Variants in OR2L3 observed in about 807,000 individuals in gnomAD.
OR2L3 encodes olfactory receptor 2L3.
For synonymous variants in OR2L3, 131 were observed against 139.1 expected (o/e 0.94, Z 0.41); for missense variants, 369 against 376.6 (o/e 0.98, Z 0.17).
intron 1 of OR2L3, chr1:248,051,139 G>C (rs1261736653): frequency 1.3e-5 from 2 of 152,016 alleles, no homozygotes; most frequent in Admixed American, 1.3e-4. Flanking sequence ...CTAACACTTT[G>C]TTTTTGTTAA....
At chr1:248,058,458 G>T (rs1372512167) in intron 1 of OR2L3, among the ~76,000 whole-genome samples, 2 of 151,994 alleles carry the variant, frequency 1.3e-5, no homozygotes, top group South Asian at 2.1e-4. Context: ...GCACCAAGGG[G>T]TTGACAACAT....
chr1:248,058,627 C>A (rs777811527), intron 1 of OR2L3, among the ~76,000 whole-genome samples: 1 of 151,410 alleles, frequency 6.6e-6, no homozygotes, highest in Non-Finnish European at 1.5e-5. Flanking sequence ...GAAATTTTTC[C>A]GAGGAAATAG....
At position 248,061,080 on chromosome 1, in the gene OR2L3, C is replaced by T. The variant is rs761408557; in HGVS notation, c.399C>T (p.Ile133=). 1.4e-5 allele frequency: 22 copies of T among 1,613,972 alleles called. No homozygotes were observed. In the South Asian group the frequency reaches 2.2e-4, roughly 16 times the overall value. The change falls in exon 2 of 2, where the codon ATC becomes ATT. Residue 133 remains isoleucine, a synonymous_variant. Transcript: ENST00000359959. ...TTTGCTTTCCTCTTCACTATCCCAT[C>T]CGCATGAGCAAAAGAATGTGTGTGC... The part of the protein sequence containing the change: ...IAICFPLHYP[I]RMSKRMCVLM...
chr1:248,058,709 G>T (rs1434947013), intron 1 of OR2L3, among the ~76,000 whole-genome samples: 1 of 151,896 alleles, frequency 6.6e-6, no homozygotes, highest in Admixed American at 6.6e-5. Flanking sequence ...ATTTGAATAT[G>T]ATGGTTAATA....
At position 248,062,209 on chromosome 1, in the gene OR2L3, T is replaced by C. The variant is rs981330181; in HGVS notation, c.*589T>C. 3.3e-5 allele frequency: 5 copies of C among 152,308 alleles called. No homozygotes were observed. The East Asian group carries it at 7.7e-4, about 23-fold the overall frequency. 9.4% of individuals were successfully genotyped at this position (152,308 alleles called of 1,614,324 possible). On this transcript the variant is annotated 3_prime_UTR_variant, in exon 2 of 2. Transcript: ENST00000359959. ...GCCTATGACAAGATTATGTTCTTTA[T>C]AGGGGAATGAATCCCAGGAAATGAT... is the stretch of plus-strand genomic sequence containing the variant.
intron 1 of OR2L3, among the ~76,000 whole-genome samples, chr1:248,055,406 T>C (rs950168099): frequency 6.6e-5 from 10 of 152,168 alleles, no homozygotes; most frequent in African/African-American, 2.4e-4. Context: ...GTTTTCTTTT[T>C]TTTTTGTTAT....
chr1:248,053,390 T>C (rs1452026224), intron 1 of OR2L3, among the ~76,000 whole-genome samples: 2 of 152,208 alleles, frequency 1.3e-5, no homozygotes. Flanking sequence ...GTTTTTGCTA[T>C]TGTGGATAGT....
In OR2L3 at chr1:248,061,276, T is replaced by C. The variant is rs60743763; in HGVS notation, c.595T>C (p.Phe199Leu). The change falls in exon 2 of 2, where the codon TTT becomes CTT. Residue 199 changes from phenylalanine (F) to leucine (L), a missense_variant. Phe to Leu is a conservative substitution (Grantham distance 22). Coordinates refer to ENST00000359959, the MANE Select transcript of OR2L3 (RefSeq NM_001004687.2). ...MDTWVYEGTV[F>L]LSTTIFLVFP... ...CACCTGGGTCTATGAGGGCACAGTGTTTTTGAGCACCACCATCTTTCTCGT... is the reference window on the plus strand; with the variant it reads ...CACCTGGGTCTATGAGGGCACAGTGCTTTTGAGCACCACCATCTTTCTCGT... 85,768 of 1,564,576 alleles carry C rather than the reference T, an allele frequency of 0.055. 7,026 individuals carry two copies. The highest frequency in any genetic ancestry group is 0.23 in the East Asian group (10,099 of 43,092).
intron 1 of OR2L3, among the ~76,000 whole-genome samples, chr1:248,057,651 C>T (rs1049925553): frequency 2.0e-5 from 3 of 152,022 alleles, no homozygotes; most frequent in Non-Finnish European, 2.9e-5. Context: ...TCCATTTATT[C>T]GTGTCTTCTT....
chr1:248,058,438 C>T (rs185186069), intron 1 of OR2L3, among the ~76,000 whole-genome samples: 2 of 152,212 alleles, frequency 1.3e-5, no homozygotes, highest in African/African-American at 4.8e-5. Context: ...CTGCATTACA[C>T]CTTATGTCTG....
At chr1:248,054,641 T>C (rs370707844) in intron 1 of OR2L3, among the ~76,000 whole-genome samples, 1 of 152,196 alleles carries the variant, frequency 6.6e-6, no homozygotes, top group Non-Finnish European at 1.5e-5. Flanking sequence ...TAGTTCTCTT[T>C]GAATAGGTCC....
chr1:248,059,254 A>T (rs1319183188), intron 1 of OR2L3, among the ~76,000 whole-genome samples: 4 of 152,150 alleles, frequency 2.6e-5, no homozygotes, highest in Admixed American at 6.5e-5. Flanking sequence ...AAGCCTAAAA[A>T]ACTCCAGTTC....
chr1:248,063,211 A>T lies in OR2L3; in HGVS notation c.*1591A>T, dbSNP rs1663699366. On this transcript the variant is annotated 3_prime_UTR_variant, in exon 2 of 2. Coordinates refer to ENST00000359959, the MANE Select transcript of OR2L3 (RefSeq NM_001004687.2). The stretch of plus-strand genomic sequence containing the variant: ...TAAATAATATTAATTCTTCCAATCC[A>T]TGAGCATTGGATTTCTTTCCATTCA... 1 of 152,242 alleles carries T rather than the reference A, an allele frequency of 6.6e-6. No homozygotes were observed. Among genetic ancestry groups the T allele is most frequent in the African/African-American group, 2.4e-5 (1 of 41,470 alleles). 9.4% of individuals were successfully genotyped at this position (152,242 alleles called of 1,614,324 possible).
Position 248,061,642 on chromosome 1 carries a change from T to C in OR2L3, c.*22T>C, listed in dbSNP as rs1200628373. Reference sequence around the variant, plus strand: ...GTAGAAACATTTTCTACCTAAGGTCTCAGGACTCAGATACACATCCATCCA... The same window carrying C: ...GTAGAAACATTTTCTACCTAAGGTCCCAGGACTCAGATACACATCCATCCA... On this transcript the variant is annotated 3_prime_UTR_variant, in exon 2 of 2. Transcript: ENST00000359959. The C allele has an allele frequency of 1.3e-6, 2 of 1,592,062 alleles. No homozygotes were observed. Among genetic ancestry groups the C allele is most frequent in the Admixed American group, 1.7e-5 (1 of 58,508 alleles).
intron 1 of OR2L3, chr1:248,051,342 C>T (rs966777539): frequency 6.6e-6 from 1 of 152,132 alleles, no homozygotes; most frequent in African/African-American, 2.4e-5. Context: ...GTCAAAATTT[C>T]TTCGCTTTTA....
At chr1:248,059,031 C>T (rs962917183) in intron 1 of OR2L3, among the ~76,000 whole-genome samples, 23 of 152,212 alleles carry the variant, frequency 1.5e-4, no homozygotes, top group South Asian at 2.1e-4. Flanking sequence ...TCACAGATTT[C>T]GTAACATATC....
intron 1 of OR2L3, among the ~76,000 whole-genome samples, chr1:248,048,923 CTTTTTT>C (rs140115140): frequency 7.1e-6 from 1 of 141,694 alleles, no homozygotes; most frequent in African/African-American, 2.6e-5. Flanking sequence ...TTCTCTCTCT[CTTTTTT>C]TTTTTTTTGG....
rs1479471866 is a variant in OR2L3, at chr1:248,060,944, A to G, written c.263A>G (p.Asn88Ser). The stretch of plus-strand genomic sequence containing the variant: ...ATGGCATCTGATTTTCTGTCTGGTA[A>G]CAAGTCTATCTCCTTCACTGGGTGT... Reference protein sequence around the residue: ...PKMASDFLSGNKSISFTGCGI... With the variant: ...PKMASDFLSGSKSISFTGCGI... The change falls in exon 2 of 2, where the codon AAC becomes AGC. Residue 88 changes from asparagine (N) to serine (S), a missense_variant. By Grantham distance (46) the Asn-to-Ser change is conservative. Coordinates refer to ENST00000359959, the MANE Select transcript of OR2L3 (RefSeq NM_001004687.2). 1.2e-6 allele frequency: 2 copies of G among 1,613,846 alleles called. No individual in the cohort carries two copies. The highest frequency in any genetic ancestry group is 2.7e-5 in the African/African-American group (2 of 74,896).
rs1209714702 is a variant in OR2L3 at position 248,062,599 on chromosome 1, G to C, written c.*979G>C. 1 of 152,152 alleles carries C rather than the reference G, an allele frequency of 6.6e-6. No homozygotes were observed. Among genetic ancestry groups the C allele is most frequent in the East Asian group, 1.9e-4 (1 of 5,202 alleles). 9.4% of individuals were successfully genotyped at this position (152,152 alleles called of 1,614,324 possible). A position where few individuals can be genotyped will look rare whatever the true frequency, so the allele number is the denominator to read the frequency against. On this transcript the variant is annotated 3_prime_UTR_variant, in exon 2 of 2. Transcript: ENST00000359959. ...GTACAGGGGAGGGACGATAAAGTGG[G>C]GATGGCTAATAGTTGCAAAAATATA...
Sources: allele counts gnomAD v4.1 joint callset (sites outside exome capture counted in the v4.1 genomes callset), GRCh38; gene constraint gnomAD v4.1.1; transcripts MANE v1.5; gene names NCBI Gene and HGNC (gene_info 2026-07-23, HGNC 2026-07-21).